Variants in SDC2 observed in about 807,000 individuals in gnomAD.
SDC2 encodes syndecan 2, also known as syndecan-2.
In SDC2, 13 loss-of-function variants were observed where a neutral mutation model predicts 22.2. The ratio of observed to expected loss-of-function variants is 0.59; its 90% CI spans 0.38 to 0.93. SDC2 has a LOEUF of 0.93. Ranked by LOEUF, SDC2 falls within the 40% of genes least tolerant of loss-of-function variation. The pLI is 0.00. For synonymous variants in SDC2, 94 were observed against 92.8 expected, an observed-to-expected ratio of 1.01 and a Z score of -0.07; for missense variants, 235 against 246.8, an observed-to-expected ratio of 0.95 and a Z score of 0.32.
intron 1 of SDC2, among the ~76,000 whole-genome samples, chr8:96,548,321 A>C (rs1002813763): frequency 3.3e-5 from 5 of 152,188 alleles, no homozygotes; most frequent in African/African-American, 1.2e-4. Context: ...TCCCAAACCC[A>C]AAAATCTGAA....
chr8:96,603,544 G>A (rs1320256847), intron 3 of SDC2, among the ~76,000 whole-genome samples: 2 of 152,184 alleles, frequency 1.3e-5, no homozygotes, highest in South Asian at 2.1e-4. Context: ...CAGCAGACAG[G>A]GTATGGATAT....
intron 1 of SDC2, among the ~76,000 whole-genome samples, chr8:96,568,217 A>C (rs959425956): frequency 6.6e-6 from 1 of 152,174 alleles, no homozygotes; most frequent in Non-Finnish European, 1.5e-5. Flanking sequence ...GTTCTTAATT[A>C]CTGTTGGCAC....
chr8:96,538,863 T>G (rs533259594), intron 1 of SDC2: 1 of 152,166 alleles, frequency 6.6e-6, no homozygotes, highest in Non-Finnish European at 1.5e-5. Context: ...TGTCCACTAA[T>G]CAAGGCGTTG....
Position 96,566,671 on chromosome 8 carries a change from ATTT to A in SDC2, c.61-26805_61-26803del, listed in dbSNP as rs201080064. ...TTTATTAAATTATTTTTATTAAATA[ATTT>A]TTTATTTTATTTTTATATTTATTTT... is the stretch of plus-strand genomic sequence containing the variant. On this transcript the variant is annotated intron_variant, in intron 1 of 4. Coordinates refer to ENST00000302190, the MANE Select transcript of SDC2 (RefSeq NM_002998.4). Among the ~76,000 whole-genome samples, 20 of 150,388 alleles carry A rather than the reference ATTT, an allele frequency of 1.3e-4. No individual in the cohort carries two copies. The East Asian group carries it at 2.3e-3, about 18-fold the overall frequency.
At chr8:96,563,713 T>G (rs1814249441) in intron 1 of SDC2, among the ~76,000 whole-genome samples, 1 of 152,196 alleles carries the variant, frequency 6.6e-6, no homozygotes, top group Admixed American at 6.5e-5. Context: ...AAAAGAAACA[T>G]CGAATTCATT....
At chr8:96,589,200 C>A (rs1336902306) in intron 1 of SDC2, among the ~76,000 whole-genome samples, 1 of 152,134 alleles carries the variant, frequency 6.6e-6, no homozygotes, top group African/African-American at 2.4e-5. Flanking sequence ...CTCAATTTTC[C>A]AACCTAAAGG....
chr8:96,569,823 A>G (rs1024346009), intron 1 of SDC2, among the ~76,000 whole-genome samples: 2 of 152,058 alleles, frequency 1.3e-5, no homozygotes, highest in Admixed American at 6.5e-5. Context: ...CTCCTCCTGT[A>G]CTGCTGGGAA....
At chr8:96,598,384 G>A (rs1365132435) in intron 2 of SDC2, among the ~76,000 whole-genome samples, 2 of 152,306 alleles carry the variant, frequency 1.3e-5, no homozygotes, top group African/African-American at 2.4e-5. Flanking sequence ...CAGTTTGGGA[G>A]GCTGAGGTAG....
At position 96,608,317 on chromosome 8, in the gene SDC2, C is replaced by G. The variant is rs747758249; in HGVS notation, c.307-18C>G. ...ATTTCCTTAAATCAATGTAATCTTT[C>G]CCTGTTTCCCATACCAGTCACCTGA... is the stretch of plus-strand genomic sequence containing the variant. On this transcript the variant is annotated intron_variant, in intron 3 of 4. Transcript: ENST00000302190. 6.2e-7 allele frequency: 1 copy of G among 1,606,854 alleles called. No homozygotes were observed. Among genetic ancestry groups the G allele is most frequent in the South Asian group, 1.1e-5 (1 of 89,392 alleles).
chr8:96,574,889 G>A (rs762120956), intron 1 of SDC2, among the ~76,000 whole-genome samples: 18 of 152,176 alleles, frequency 1.2e-4, no homozygotes, highest in Non-Finnish European at 2.1e-4. Flanking sequence ...TCCACTGACC[G>A]AGGGCAGGGG....
intron 1 of SDC2, among the ~76,000 whole-genome samples, chr8:96,553,595 T>C (rs1563658947): frequency 6.6e-6 from 1 of 152,088 alleles, no homozygotes; most frequent in African/African-American, 2.4e-5. Flanking sequence ...ATTTTTTTTT[T>C]CTTGCTATTT....
At chr8:96,535,070 C>A (rs1283346837) in intron 1 of SDC2, among the ~76,000 whole-genome samples, 3 of 151,480 alleles carry the variant, frequency 2.0e-5, no homozygotes, top group African/African-American at 7.3e-5. Context: ...ATGGTGCGAT[C>A]TTGGCTCACT....
intron 1 of SDC2, among the ~76,000 whole-genome samples, chr8:96,556,126 G>T (rs1814108156): frequency 6.6e-6 from 1 of 152,000 alleles, no homozygotes; most frequent in Non-Finnish European, 1.5e-5. Flanking sequence ...CAGTTGACTA[G>T]AAAGTTTATG....
intron 1 of SDC2, among the ~76,000 whole-genome samples, chr8:96,579,225 T>G (rs1563668851): frequency 6.6e-6 from 1 of 152,258 alleles, no homozygotes; most frequent in Non-Finnish European, 1.5e-5. Flanking sequence ...TCTTAATTTT[T>G]TTTCTTCTAA....
chr8:96,569,845 C>T (rs1354538493), intron 1 of SDC2, among the ~76,000 whole-genome samples: 1 of 152,144 alleles, frequency 6.6e-6, no homozygotes, highest in Non-Finnish European at 1.5e-5. Flanking sequence ...TTTAGAGTGG[C>T]TCCTGGAGGC....
intron 2 of SDC2, among the ~76,000 whole-genome samples, chr8:96,598,940 CTT>C (rs567223016): frequency 1.1e-4 from 14 of 127,450 alleles, no homozygotes; most frequent in Admixed American, 2.5e-4. Context: ...CTGTCTCTAT[CTT>C]TTTTTTTTTT....
At chr8:96,565,761 G>A (rs979437069) in intron 1 of SDC2, among the ~76,000 whole-genome samples, 1 of 152,126 alleles carries the variant, frequency 6.6e-6, no homozygotes, top group African/African-American at 2.4e-5. Flanking sequence ...GTAGATAACT[G>A]CAATAAAGAG....
In SDC2 at chr8:96,610,223, G is replaced by A. The variant is rs574647686; in HGVS notation, c.*675G>A. 1 of 152,708 alleles carries A rather than the reference G, an allele frequency of 6.5e-6. No individual in the cohort carries two copies. Among genetic ancestry groups the A allele is most frequent in the Admixed American group, 6.5e-5 (1 of 15,300 alleles). The allele number at this position is 152,708 out of a possible 1,614,324, so 9.5% of individuals were successfully genotyped here. A position where few individuals can be genotyped will look rare whatever the true frequency, so the allele number is the denominator to read the frequency against. On this transcript the variant is annotated 3_prime_UTR_variant, in exon 5 of 5. Coordinates refer to ENST00000302190, the MANE Select transcript of SDC2 (RefSeq NM_002998.4). ...TGGATTATTACTACAAAACCGTTTA[G>A]TCATATCTATCTAATCAGATCTTCT... is the stretch of plus-strand genomic sequence containing the variant.
chr8:96,516,280 A>G (rs1006394956), intron 1 of SDC2, among the ~76,000 whole-genome samples: 1 of 152,174 alleles, frequency 6.6e-6, no homozygotes, highest in Non-Finnish European at 1.5e-5. Context: ...TGTGACACTG[A>G]GCTAAAGATC....
Sources: allele counts gnomAD v4.1 joint callset (sites outside exome capture counted in the v4.1 genomes callset), GRCh38; gene constraint gnomAD v4.1.1; transcripts MANE v1.5; gene names NCBI Gene and HGNC (gene_info 2026-07-23, HGNC 2026-07-21).